The following ICA1 variants were observed in gnomAD, a reference collection of about 807,000 sequenced individuals.
ICA1 encodes the protein 69 kDa islet cell autoantigen.
In ICA1, 40 loss-of-function variants were observed where a neutral mutation model predicts 71.0. The ratio of observed to expected loss-of-function variants is 0.56; its 90% CI spans 0.44 to 0.73. ICA1 has a LOEUF of 0.73. ICA1 is among the 30% of genes least tolerant of loss of function. The pLI, the probability that ICA1 is intolerant of heterozygous loss-of-function variation, is 0.00. For missense variants in ICA1, 578 were observed against 576.5 expected (o/e 1.00, Z -0.03); for synonymous variants, 207 against 209.5 (o/e 0.99, Z 0.10).
chr7:8,201,768 T>G (rs1161205631), intron 6 of ICA1, among the ~76,000 whole-genome samples: 1 of 152,202 alleles, frequency 6.6e-6, no homozygotes, highest in African/African-American at 2.4e-5. Context: ...TGCCAGGGAA[T>G]GGCACTGGGT....
At chr7:8,151,363 T>C (rs915153860) in intron 8 of ICA1, among the ~76,000 whole-genome samples, 2 of 152,182 alleles carry the variant, frequency 1.3e-5, no homozygotes, top group Non-Finnish European at 2.9e-5. Flanking sequence ...ACACTCCGGC[T>C]CGTCCCCCTC....
chr7:8,121,516 C>T (rs1379953893), intron 13 of ICA1, among the ~76,000 whole-genome samples: 1 of 152,142 alleles, frequency 6.6e-6, no homozygotes, highest in East Asian at 1.9e-4. Context: ...ACAAACTTTG[C>T]ATGTTCTTAC....
At chr7:8,161,039 C>A (rs754577530) in intron 6 of ICA1, among the ~76,000 whole-genome samples, 12 of 152,208 alleles carry the variant, frequency 7.9e-5, no homozygotes, top group Non-Finnish European at 1.6e-4. Flanking sequence ...AGGCATCTGT[C>A]TTCAGCCTTT....
intron 1 of ICA1, among the ~76,000 whole-genome samples, chr7:8,241,956 C>G (rs1003753092): frequency 9.9e-5 from 15 of 152,270 alleles, no homozygotes; most frequent in South Asian, 2.1e-4. Flanking sequence ...GACTCCCACA[C>G]AATAATAATG....
chr7:8,156,751 T>A (rs952610177), intron 8 of ICA1: 11 of 1,324,622 alleles, frequency 8.3e-6, no homozygotes, highest in Non-Finnish European at 7.0e-6. Context: ...ACTGAGTTTA[T>A]GGGACTTGTA....
At chr7:8,214,051 T>C (rs1247081459) in intron 6 of ICA1, among the ~76,000 whole-genome samples, 2 of 152,240 alleles carry the variant, frequency 1.3e-5, no homozygotes, top group Non-Finnish European at 2.9e-5. Flanking sequence ...ATTAAAACAC[T>C]GGTCCGCTTG....
chr7:8,153,615 G>A (rs1157376673), intron 8 of ICA1, among the ~76,000 whole-genome samples: 1 of 151,802 alleles, frequency 6.6e-6, no homozygotes, highest in Non-Finnish European at 1.5e-5. Context: ...TTTAAGATAG[G>A]GTACTGCTCT....
rs1801674278 is a variant in ICA1 at position 8,235,820 on chromosome 7, T to A, written c.17+90A>T. 8 of 1,323,672 alleles carry A rather than the reference T, an allele frequency of 6.0e-6. No homozygotes were observed. The Admixed American group carries it at 1.2e-4, about 20-fold the overall frequency. The allele number at this position is 1,323,672 out of a possible 1,614,324, so 82.0% of individuals were successfully genotyped here. A position where few individuals can be genotyped will look rare whatever the true frequency, so the allele number is the denominator to read the frequency against. On this transcript the variant is annotated intron_variant, in intron 2 of 13. Transcript: ENST00000402384. ...TAACATGATACTTACTGCCAATGTA[T>A]CTCTTGTTTTTCCATTCAATAGATG...
intron 8 of ICA1, among the ~76,000 whole-genome samples, chr7:8,152,742 A>G (rs1799649432): frequency 8.4e-6 from 1 of 119,208 alleles, no homozygotes; most frequent in Non-Finnish European, 1.8e-5. Flanking sequence ...CACCACCACA[A>G]CCACCATCTC....
intron 6 of ICA1, among the ~76,000 whole-genome samples, chr7:8,206,495 T>C (rs1213361178): frequency 6.6e-6 from 1 of 152,202 alleles, no homozygotes; most frequent in African/African-American, 2.4e-5. Flanking sequence ...TTTTCTGTCA[T>C]TCTCCCTTTT....
intron 12 of ICA1, among the ~76,000 whole-genome samples, chr7:8,128,939 A>G (rs1033157327): frequency 2.0e-5 from 3 of 152,196 alleles, no homozygotes; most frequent in African/African-American, 4.8e-5. Flanking sequence ...CTCATCCACA[A>G]GGTTATCATG....
At chr7:8,204,265 A>G (rs1044404568) in intron 6 of ICA1, among the ~76,000 whole-genome samples, 1 of 152,214 alleles carries the variant, frequency 6.6e-6, no homozygotes, top group Non-Finnish European at 1.5e-5. Flanking sequence ...ATCGGATTGT[A>G]GTAATATGGG....
At chr7:8,148,336 C>G (rs1797745665) in intron 8 of ICA1, among the ~76,000 whole-genome samples, 1 of 152,006 alleles carries the variant, frequency 6.6e-6, no homozygotes, top group African/African-American at 2.4e-5. Context: ...TTAATTTAAC[C>G]CACTACTGTT....
intron 8 of ICA1, among the ~76,000 whole-genome samples, chr7:8,146,028 C>A (rs1348936977): frequency 6.6e-6 from 1 of 152,120 alleles, no homozygotes; most frequent in African/African-American, 2.4e-5. Flanking sequence ...CCGTAAGGCA[C>A]TGACATCATT....
chr7:8,215,839 C>T (rs1795238145), intron 6 of ICA1, among the ~76,000 whole-genome samples: 1 of 152,186 alleles, frequency 6.6e-6, no homozygotes. Flanking sequence ...CCCACAGTCA[C>T]TCCTGAGGAG....
At chr7:8,148,014 G>A (rs561274502) in intron 8 of ICA1, among the ~76,000 whole-genome samples, 36 of 152,236 alleles carry the variant, frequency 2.4e-4, no homozygotes, top group Non-Finnish European at 5.0e-4. Flanking sequence ...GAATGACCGT[G>A]GGGGTGTGTG....
intron 6 of ICA1, among the ~76,000 whole-genome samples, chr7:8,163,196 T>G (rs1804560396): frequency 6.6e-6 from 1 of 152,230 alleles, no homozygotes. Context: ...ACTTATTCCT[T>G]CTAACCTGAA....
Position 8,130,054 on chromosome 7 carries a change from A to G in ICA1, c.1061-1912T>C, listed in dbSNP as rs1584319687. Reference sequence around the variant, plus strand: ...TGAACTCATCCTTTTTTATGGCTGCATAGTATTCCATGGTGTATATGTGCC... The same window carrying G: ...TGAACTCATCCTTTTTTATGGCTGCGTAGTATTCCATGGTGTATATGTGCC... On this transcript the variant is annotated intron_variant, in intron 12 of 13. Coordinates refer to ENST00000402384, the MANE Select transcript of ICA1 (RefSeq NM_001136020.3). This position sits in a 1 kb window ranked among gnomAD's most constrained non-coding sequence, Gnocchi z 4.2. Among the ~76,000 whole-genome samples, 1 of 152,060 alleles carries G rather than the reference A, an allele frequency of 6.6e-6. No individual in the cohort carries two copies.
chr7:8,217,360 A>C (rs1418271824), intron 6 of ICA1, among the ~76,000 whole-genome samples: 1 of 152,222 alleles, frequency 6.6e-6, no homozygotes, highest in Non-Finnish European at 1.5e-5. Context: ...AAGGACCAGA[A>C]GGTCCCTCCT....
Sources: gnomAD v4.1 joint callset for allele counts (sites outside exome capture counted in the v4.1 genomes callset) on GRCh38, gnomAD v4.1.1 for gene constraint, Gnocchi (gnomAD v3.1) non-coding constraint, MANE v1.5 for transcripts, NCBI Gene and HGNC (gene_info 2026-07-23, HGNC 2026-07-21) for gene names.